Variants in PPARG observed in about 807,000 individuals in gnomAD.
PPARG encodes peroxisome proliferator-activated receptor gamma.
In PPARG, 17 loss-of-function variants were observed where a neutral mutation model predicts 39.2. The observed-to-expected ratio is 0.43, with a 90% CI of 0.30 to 0.65. PPARG has a LOEUF of 0.65. PPARG is among the 30% of genes least tolerant of loss of function. The pLI is 0.13. For synonymous variants in PPARG, 223 were observed against 215.7 expected, an observed-to-expected ratio of 1.03 and a Z score of -0.30; for missense variants, 406 against 585.9, an observed-to-expected ratio of 0.69 and a Z score of 3.17.
Position 12,380,989 on chromosome 3 carries a change from C to T in PPARG, c.221-333C>T, listed in dbSNP as rs4135260. ...ATTGTGATGAATACCAAAGACAGAACATTTCCTAGCAAAATAAGCTTCCTT... is the reference window on the plus strand; with the variant it reads ...ATTGTGATGAATACCAAAGACAGAATATTTCCTAGCAAAATAAGCTTCCTT... On this transcript the variant is annotated intron_variant, in intron 3 of 7. Transcript: ENST00000651735. 3.2e-3 allele frequency among the ~76,000 whole-genome samples: 493 copies of T among 152,268 alleles called. 1 individual carries two copies. The highest frequency in any genetic ancestry group is 6.8e-3 in the Middle Eastern group (2 of 294).
intron 1 of PPARG, among the ~76,000 whole-genome samples, chr3:12,295,898 T>C (rs2046768796): frequency 6.6e-6 from 1 of 152,128 alleles, no homozygotes; most frequent in Non-Finnish European, 1.5e-5. Context: ...TGAAGGCAGG[T>C]ACTGACTGAA....
intron 2 of PPARG, among the ~76,000 whole-genome samples, chr3:12,371,243 C>T (rs1040830009): frequency 1.3e-5 from 2 of 152,050 alleles, no homozygotes; most frequent in East Asian, 1.9e-4. Context: ...TGAAGAGATA[C>T]GAACTTCCAG....
intron 2 of PPARG, among the ~76,000 whole-genome samples, chr3:12,333,508 A>T (rs190561748): frequency 6.6e-6 from 1 of 152,248 alleles, no homozygotes; most frequent in Non-Finnish European, 1.5e-5. Context: ...TCTGTTGCTC[A>T]GGCTGGAGTG....
At chr3:12,311,600 G>A (rs2047245915) in intron 1 of PPARG, among the ~76,000 whole-genome samples, 1 of 152,168 alleles carries the variant, frequency 6.6e-6, no homozygotes, top group Admixed American at 6.5e-5. Flanking sequence ...ATACTGTAGA[G>A]TTTCATGTAG....
chr3:12,306,238 T>C (rs59390337), intron 1 of PPARG, among the ~76,000 whole-genome samples: 42,462 of 152,046 alleles, frequency 0.28, 6,074 homozygotes, highest in East Asian at 0.33. Context: ...CAGTTCACAA[T>C]AGGGTTTGCA....
At chr3:12,376,290 A>G (rs1225855113) in intron 2 of PPARG, among the ~76,000 whole-genome samples, 1 of 152,174 alleles carries the variant, frequency 6.6e-6, no homozygotes, top group Non-Finnish European at 1.5e-5. Context: ...CGAAATCTTC[A>G]ATCTTCAACT....
intron 4 of PPARG, among the ~76,000 whole-genome samples, chr3:12,386,266 G>C (rs975006753): frequency 1.3e-5 from 2 of 149,228 alleles, no homozygotes; most frequent in African/African-American, 5.0e-5. Flanking sequence ...TTCCTCTCTA[G>C]ATTCCTTGAG....
At chr3:12,314,512 A>G (rs2047336262) in intron 2 of PPARG, among the ~76,000 whole-genome samples, 1 of 152,228 alleles carries the variant, frequency 6.6e-6, no homozygotes, top group African/African-American at 2.4e-5. Flanking sequence ...TGAAAAGGAC[A>G]GATCATGCCT....
At position 12,434,004 on chromosome 3, in the gene PPARG, G is replaced by A; in HGVS notation, c.1287G>A (p.Leu429=). 6.2e-7 allele frequency: 1 copy of A among 1,614,246 alleles called. No homozygotes were observed. The highest frequency in any genetic ancestry group is 8.5e-7 in the Non-Finnish European group (1 of 1,180,052). ...TGAACCACCCTGAGTCCTCACAGCT[G>A]TTTGCCAAGCTGCTCCAGAAAATGA... ...LKLNHPESSQ[L]FAKLLQKMTD... The change falls in exon 8 of 8, where the codon CTG becomes CTA. Residue 429 remains leucine (L), a synonymous_variant. Coordinates refer to ENST00000651735, the MANE Select transcript of PPARG (RefSeq NM_138711.6). The surrounding 1 kb of genome is among the most constrained non-coding windows in gnomAD (Gnocchi z 4.2).
intron 6 of PPARG, among the ~76,000 whole-genome samples, chr3:12,410,991 C>T (rs2125269804): frequency 6.6e-6 from 1 of 152,272 alleles, no homozygotes; most frequent in East Asian, 1.9e-4. Flanking sequence ...GAAATAAAAT[C>T]AGGATAGTAG....
intron 2 of PPARG, among the ~76,000 whole-genome samples, chr3:12,355,985 C>G (rs949377384): frequency 6.6e-6 from 1 of 152,200 alleles, no homozygotes; most frequent in South Asian, 2.1e-4. Flanking sequence ...TCGTTAGGTA[C>G]ATATTCCTTG....
At chr3:12,377,664 C>T (rs1021359848) in intron 2 of PPARG, among the ~76,000 whole-genome samples, 1 of 151,916 alleles carries the variant, frequency 6.6e-6, no homozygotes, top group Non-Finnish European at 1.5e-5. Flanking sequence ...AAAATTTCAT[C>T]CTAAAGAGAA....
chr3:12,382,917 G>T (rs1053858323), intron 4 of PPARG, among the ~76,000 whole-genome samples: 1 of 152,128 alleles, frequency 6.6e-6, no homozygotes. Context: ...GCTGCAGTGA[G>T]CTATGATCAT....
At chr3:12,384,910 T>C (rs1030665280) in intron 4 of PPARG, among the ~76,000 whole-genome samples, 1 of 152,148 alleles carries the variant, frequency 6.6e-6, no homozygotes, top group Non-Finnish European at 1.5e-5. Context: ...ACAAAATCTC[T>C]TTGGGGTCTT....
chr3:12,385,200 T>C (rs995027673), intron 4 of PPARG, among the ~76,000 whole-genome samples: 2 of 152,204 alleles, frequency 1.3e-5, no homozygotes, highest in Non-Finnish European at 2.9e-5. Flanking sequence ...TTTGCTGTTG[T>C]AGTAAAATGT....
chr3:12,298,671 A>T (rs1014362564), intron 1 of PPARG, among the ~76,000 whole-genome samples: 13 of 152,172 alleles, frequency 8.5e-5, no homozygotes, highest in Non-Finnish European at 7.3e-5. Flanking sequence ...ATGCCTCCCC[A>T]GTTTGGGATG....
intron 2 of PPARG, among the ~76,000 whole-genome samples, chr3:12,365,831 A>G (rs2048998912): frequency 6.6e-6 from 1 of 152,146 alleles, no homozygotes; most frequent in Non-Finnish European, 1.5e-5. Context: ...GAAGTCAGGT[A>G]ATGTCAGTCC....
At chr3:12,399,669 GA>G (rs60842547) in intron 5 of PPARG, among the ~76,000 whole-genome samples, 144,906 of 145,020 alleles carry the variant, frequency 1, 72,396 homozygotes, top group Middle Eastern at 1. Flanking sequence ...GGGAGGGAGG[GA>G]AAAAAGGAAA....
At chr3:12,345,602 TTTGGGCAAATCA>T (rs1228041308) in intron 2 of PPARG, among the ~76,000 whole-genome samples, 1 of 152,236 alleles carries the variant, frequency 6.6e-6, no homozygotes, top group Non-Finnish European at 1.5e-5. Flanking sequence ...TAGGTCATGC[TTTGGGCAAATCA>T]TTTCATTCCT....
Sources: allele counts gnomAD v4.1 joint callset (sites outside exome capture counted in the v4.1 genomes callset), GRCh38; gene constraint gnomAD v4.1.1; non-coding constraint Gnocchi (gnomAD v3.1); transcripts MANE v1.5; gene names NCBI Gene and HGNC (gene_info 2026-07-23, HGNC 2026-07-21).